The following ZFAND3 variants were observed in gnomAD, a reference collection of about 807,000 sequenced individuals.
ZFAND3 encodes zinc finger AN1-type containing 3, also known as AN1-type zinc finger protein 3.
Under a neutral mutation model 29.6 loss-of-function variants are expected in ZFAND3, and 10 were observed. The ratio of observed to expected loss-of-function variants is 0.34; its 90% CI spans 0.21 to 0.57. The LOEUF is 0.57. Among genes scored for constraint, ZFAND3 ranks in the 20% least tolerant of loss-of-function variants. The pLI, the probability that ZFAND3 is intolerant of heterozygous loss-of-function variation, is 0.86. For synonymous variants in ZFAND3, 128 were observed against 112.6 expected (o/e 1.14, Z -0.87); for missense variants, 230 against 304.5 (o/e 0.76, Z 1.82).
At chr6:38,059,724 A>G (rs564801632) in intron 2 of ZFAND3, among the ~76,000 whole-genome samples, 4 of 152,226 alleles carry the variant, frequency 2.6e-5, no homozygotes, top group African/African-American at 9.6e-5. Flanking sequence ...CAAAAATACA[A>G]AAATTAGCCG....
Position 38,116,702 on chromosome 6 carries a change from G to A in ZFAND3, c.492G>A (p.Leu164=), listed in dbSNP as rs1581931588. The change falls in exon 5 of 6, where the codon CTG becomes CTA. Residue 164 remains leucine, a synonymous_variant. Transcript: ENST00000287218. The part of the protein sequence containing the change: ...RRRCFQCQTK[L]ELVQQELGSC... ...GGTGCTTCCAGTGCCAAACCAAACT[G>A]GAGCTGGTGCAGCAGGAATTGGGAT... 1.2e-6 allele frequency: 2 copies of A among 1,614,106 alleles called. No homozygotes were observed. The highest frequency in any genetic ancestry group is 4.5e-5 in the East Asian group (2 of 44,888).
chr6:37,984,872 A>C (rs1305937229), intron 2 of ZFAND3, among the ~76,000 whole-genome samples: 2 of 152,172 alleles, frequency 1.3e-5, no homozygotes, highest in South Asian at 4.1e-4. Context: ...TTAGTCTGTT[A>C]ATTATCAGAG....
intron 2 of ZFAND3, among the ~76,000 whole-genome samples, chr6:38,005,163 T>C (rs1763027146): frequency 6.6e-6 from 1 of 152,146 alleles, no homozygotes; most frequent in African/African-American, 2.4e-5. Context: ...CTCTGATAAA[T>C]TTCTTTAGTG....
At chr6:38,108,231 T>C (rs912778725) in intron 4 of ZFAND3, among the ~76,000 whole-genome samples, 1 of 152,128 alleles carries the variant, frequency 6.6e-6, no homozygotes, top group Non-Finnish European at 1.5e-5. Flanking sequence ...TATTTTCAGA[T>C]GGTTCTGGGA....
chr6:38,069,539 T>G (rs1239041450), intron 3 of ZFAND3, among the ~76,000 whole-genome samples: 1 of 152,252 alleles, frequency 6.6e-6, no homozygotes, highest in African/African-American at 2.4e-5. Context: ...CCCAGTGCAT[T>G]TATTCATTCA....
intron 1 of ZFAND3, among the ~76,000 whole-genome samples, chr6:37,832,552 GATGGTA>G (rs1169137556): frequency 3.3e-5 from 5 of 152,214 alleles, no homozygotes; most frequent in Admixed American, 3.3e-4. Context: ...TGTACTAGAA[GATGGTA>G]ATGGGTGGTG....
intron 2 of ZFAND3, among the ~76,000 whole-genome samples, chr6:37,961,811 TC>T (rs571711330): frequency 6.6e-6 from 1 of 151,970 alleles, no homozygotes; most frequent in Admixed American, 6.5e-5. Context: ...GGGCTTGAGG[TC>T]CCCCCTAAAG....
intron 5 of ZFAND3, among the ~76,000 whole-genome samples, chr6:38,144,231 ATT>A (rs67159019): frequency 0.055 from 4,157 of 75,088 alleles, 230 homozygotes; most frequent in African/African-American, 0.12. Context: ...ATATATATAT[ATT>A]TTTTTTTTAA....
At chr6:38,057,739 G>A (rs969491054) in intron 2 of ZFAND3, among the ~76,000 whole-genome samples, 3 of 152,206 alleles carry the variant, frequency 2.0e-5, no homozygotes, top group African/African-American at 7.2e-5. Context: ...TTTCTGGTGA[G>A]TTGTAGTAAT....
chr6:38,055,910 A>G (rs1335670923), intron 2 of ZFAND3, among the ~76,000 whole-genome samples: 2 of 152,206 alleles, frequency 1.3e-5, no homozygotes, highest in East Asian at 3.8e-4. Flanking sequence ...TTGGCCACTT[A>G]TTTATCCAGT....
chr6:37,830,336 A>G (rs1049379819), intron 1 of ZFAND3, among the ~76,000 whole-genome samples: 1 of 152,246 alleles, frequency 6.6e-6, no homozygotes, highest in Non-Finnish European at 1.5e-5. Flanking sequence ...TGTGGCCACC[A>G]TCGTTTAGTC....
At position 38,116,629 on chromosome 6, in the gene ZFAND3, C is replaced by A. The variant is rs144623434; in HGVS notation, c.419C>A (p.Thr140Lys). Residue 140 changes from threonine to lysine, a missense_variant, in exon 5 of 6, where the codon ACG becomes AAG. This residue lies in a region of ZFAND3 where 180 missense variants were observed against 202.5 expected (regional missense o/e 0.89). Transcript: ENST00000287218. ...AAACGGCCACGACTACTTGAGAATA[C>A]GGAACGGTCCGAGGAAACCAGTCGA... ...PVKRPRLLEN[T>K]ERSEETSRSK... The A allele has an allele frequency of 1.2e-6, 2 of 1,614,014 alleles. No individual in the cohort carries two copies.
intron 2 of ZFAND3, among the ~76,000 whole-genome samples, chr6:37,947,392 G>T (rs1761922629): frequency 6.6e-6 from 1 of 152,012 alleles, no homozygotes; most frequent in Admixed American, 6.6e-5. Flanking sequence ...AAGTTGTGGT[G>T]GCTTAGATTT....
At chr6:38,070,047 A>G (rs757867988) in intron 3 of ZFAND3, among the ~76,000 whole-genome samples, 3 of 152,174 alleles carry the variant, frequency 2.0e-5, no homozygotes, top group Admixed American at 6.5e-5. Flanking sequence ...CCACCACCCA[A>G]TTCCTACTTT....
At chr6:37,827,434 A>C (rs1002436582) in intron 1 of ZFAND3, among the ~76,000 whole-genome samples, 1 of 152,232 alleles carries the variant, frequency 6.6e-6, no homozygotes, top group Admixed American at 6.5e-5. Context: ...GATAGGCTCT[A>C]GTTAGCTTTT....
chr6:38,034,315 A>G (rs1763617884), intron 2 of ZFAND3, among the ~76,000 whole-genome samples: 1 of 152,196 alleles, frequency 6.6e-6, no homozygotes, highest in Non-Finnish European at 1.5e-5. Flanking sequence ...ATAATGCAGA[A>G]TAAGAAAGGA....
In ZFAND3 at chr6:37,819,911, G is replaced by A; in HGVS notation, c.-35G>A. On this transcript the variant is annotated 5_prime_UTR_variant, in exon 1 of 6. Coordinates refer to ENST00000287218, the MANE Select transcript of ZFAND3 (RefSeq NM_021943.3). ...GGGCCCGGGCCCAGCCGCCGCCACCGCTGCCGCCGCCGAGCTCCGCCGCCG... is the reference window on the plus strand; with the variant it reads ...GGGCCCGGGCCCAGCCGCCGCCACCACTGCCGCCGCCGAGCTCCGCCGCCG... 8.4e-7 allele frequency: 1 copy of A among 1,194,496 alleles called. No individual in the cohort carries two copies. The highest frequency in any genetic ancestry group is 1.0e-6 in the Non-Finnish European group (1 of 965,276). The allele number at this position is 1,194,496 out of a possible 1,614,324, so 74.0% of individuals were successfully genotyped here.
intron 3 of ZFAND3, among the ~76,000 whole-genome samples, chr6:38,077,054 C>G (rs969522052): frequency 6.6e-6 from 1 of 151,108 alleles, no homozygotes; most frequent in Non-Finnish European, 1.5e-5. Context: ...ATGGACACAT[C>G]AGGAAACAGT....
intron 1 of ZFAND3, among the ~76,000 whole-genome samples, chr6:37,881,826 G>T (rs757249604): frequency 1.3e-5 from 2 of 151,802 alleles, no homozygotes; most frequent in African/African-American, 2.4e-5. Flanking sequence ...AATGCTGTTT[G>T]TATTTAGAAT....
Sources: allele counts gnomAD v4.1 joint callset (sites outside exome capture counted in the v4.1 genomes callset), GRCh38; gene constraint gnomAD v4.1.1; regional missense constraint gnomAD v4.1.1; transcripts MANE v1.5; gene names NCBI Gene and HGNC (gene_info 2026-07-23, HGNC 2026-07-21).